The following STK3 variants were observed in gnomAD, a reference collection of about 807,000 sequenced individuals.
STK3 encodes the protein serine/threonine-protein kinase 3.
Under a neutral mutation model 58.0 loss-of-function variants are expected in STK3, and 41 were observed. The ratio of observed to expected loss-of-function variants is 0.71; its 90% CI spans 0.55 to 0.92. STK3 has a LOEUF of 0.92. Ranked by LOEUF, STK3 falls within the 40% of genes least tolerant of loss-of-function variation. STK3 has a pLI of 0.00. For missense variants in STK3, 479 were observed against 602.7 expected (o/e 0.79, Z 2.15); for synonymous variants, 170 against 191.0 (o/e 0.89, Z 0.91).
At chr8:98,714,572 C>T (rs1252509393) in intron 4 of STK3, among the ~76,000 whole-genome samples, 1 of 152,164 alleles carries the variant, frequency 6.6e-6, no homozygotes, top group Non-Finnish European at 1.5e-5. Flanking sequence ...ATCCAACTTA[C>T]AAGGGACATG....
downstream of STK3, among the ~76,000 whole-genome samples, chr8:98,367,231 C>A (rs1165086137): frequency 6.6e-6 from 1 of 152,176 alleles, no homozygotes; most frequent in African/African-American, 2.4e-5. Context: ...AATCATCAGC[C>A]AAATTTGAAT....
At chr8:98,703,005 T>C (rs1825726147) in intron 6 of STK3, among the ~76,000 whole-genome samples, 1 of 152,210 alleles carries the variant, frequency 6.6e-6, no homozygotes, top group African/African-American at 2.4e-5. Flanking sequence ...GTGGCAACTT[T>C]GTAGATTATT....
chr8:98,541,995 T>C (rs528078102), intron 9 of STK3, among the ~76,000 whole-genome samples: 2 of 152,318 alleles, frequency 1.3e-5, no homozygotes, highest in South Asian at 4.1e-4. Flanking sequence ...TGTGTCTATA[T>C]ACTGGTTTCA....
chr8:98,628,083 T>G (rs1217613655), intron 6 of STK3, among the ~76,000 whole-genome samples: 1 of 152,238 alleles, frequency 6.6e-6, no homozygotes, highest in Admixed American at 6.5e-5. Context: ...TCCTTTAATA[T>G]CTGTTTTATA....
chr8:98,625,605 A>G (rs1818653103), intron 6 of STK3, among the ~76,000 whole-genome samples: 1 of 152,182 alleles, frequency 6.6e-6, no homozygotes, highest in South Asian at 2.1e-4. Context: ...ATGCCTTTTC[A>G]TAATGATGCC....
intron 6 of STK3, among the ~76,000 whole-genome samples, chr8:98,683,242 AG>A (rs1823761805): frequency 1.3e-5 from 2 of 152,166 alleles, no homozygotes; most frequent in South Asian, 4.1e-4. Flanking sequence ...GCTAAGTAAA[AG>A]TTTGAAAGGC....
chr8:98,428,597 C>T lies in STK3; in HGVS notation n.483+5530G>A. On this transcript the variant is annotated intron_variant and non_coding_transcript_variant, in intron 3 of 3. Transcript: ENST00000517832. This position sits in a 1 kb window ranked among gnomAD's most constrained non-coding sequence, Gnocchi z 6.7. ...TGGGGTCCATCATCACCATGTGCCT[C>T]AATAGCCTGCCCGATTTCCAAATCC... The T allele has an allele frequency of 6.2e-7, 1 of 1,614,170 alleles. No individual in the cohort carries two copies. The highest frequency in any genetic ancestry group is 8.5e-7 in the Non-Finnish European group (1 of 1,180,048).
At chr8:98,411,852 C>T (rs1818061054) in intron 3 of STK3, among the ~76,000 whole-genome samples, 1 of 152,192 alleles carries the variant, frequency 6.6e-6, no homozygotes, top group African/African-American at 2.4e-5. Context: ...CTCTCCCATT[C>T]GTCTTGCTTC....
At chr8:98,440,477 A>C (rs1818649334) in intron 1 of STK3, among the ~76,000 whole-genome samples, 2 of 152,304 alleles carry the variant, frequency 1.3e-5, no homozygotes, top group South Asian at 4.1e-4. Context: ...TGCAAAACAA[A>C]AACTCTGTGC....
chr8:98,798,062 C>T (rs915060491), intron 1 of STK3, among the ~76,000 whole-genome samples: 1 of 152,130 alleles, frequency 6.6e-6, no homozygotes, highest in Non-Finnish European at 1.5e-5. Flanking sequence ...AGAGACTTCA[C>T]CTTCATGGCT....
intron 2 of STK3, among the ~76,000 whole-genome samples, chr8:98,378,498 A>G (rs889612949): frequency 6.6e-6 from 1 of 152,182 alleles, no homozygotes; most frequent in Non-Finnish European, 1.5e-5. Flanking sequence ...AATTATTTAC[A>G]TTTCCTAAGC....
intron 1 of STK3, among the ~76,000 whole-genome samples, chr8:98,928,122 T>C (rs1839870854): frequency 6.6e-6 from 1 of 152,216 alleles, no homozygotes; most frequent in African/African-American, 2.4e-5. Flanking sequence ...TCAAAGCAGG[T>C]TGGCATCCTA....
chr8:98,366,436 AT>A (rs1817565011), downstream of STK3, among the ~76,000 whole-genome samples: 1 of 151,652 alleles, frequency 6.6e-6, no homozygotes, highest in African/African-American at 2.4e-5. Context: ...TTCCTTTATG[AT>A]TTCTGACATT....
intron 3 of STK3, among the ~76,000 whole-genome samples, chr8:98,751,612 A>G (rs896781001): frequency 1.3e-5 from 2 of 152,214 alleles, no homozygotes; most frequent in Non-Finnish European, 2.9e-5. Context: ...GAGATGACAT[A>G]AAGAAATGGG....
chr8:98,602,898 G>C (rs1404557248), intron 6 of STK3, among the ~76,000 whole-genome samples: 1 of 144,342 alleles, frequency 6.9e-6, no homozygotes. Context: ...AAAAGCCTAA[G>C]AACTTGGAAG....
At chr8:98,856,005 A>C (rs1354314899) in intron 3 of STK3, among the ~76,000 whole-genome samples, 1 of 152,008 alleles carries the variant, frequency 6.6e-6, no homozygotes, top group African/African-American at 2.4e-5. Context: ...AAAAGTACAA[A>C]AATTAGCTGG....
intron 6 of STK3, among the ~76,000 whole-genome samples, chr8:98,675,210 T>C (rs1823109590): frequency 6.6e-6 from 1 of 152,216 alleles, no homozygotes. Flanking sequence ...ATGCCAAGAA[T>C]GTTAATAACA....
At chr8:98,860,630 A>T (rs76156118) in intron 3 of STK3, among the ~76,000 whole-genome samples, 4,408 of 152,246 alleles carry the variant, frequency 0.029, 93 homozygotes, top group Non-Finnish European at 0.045. Context: ...AAGGAGATCA[A>T]TTTTTTTTAA....
chr8:98,346,075 G>C, the STK3 span, among the ~76,000 whole-genome samples: 1 of 151,968 alleles, frequency 6.6e-6, no homozygotes, highest in Non-Finnish European at 1.5e-5. Flanking sequence ...CACCTGAGGT[G>C]AGGAGTTCAA....
Sources: allele counts gnomAD v4.1 joint callset (sites outside exome capture counted in the v4.1 genomes callset), GRCh38; gene constraint gnomAD v4.1.1; non-coding constraint Gnocchi (gnomAD v3.1); transcripts MANE v1.5; gene names NCBI Gene and HGNC (gene_info 2026-07-23, HGNC 2026-07-21).